Variants in DGKI observed in about 807,000 individuals in gnomAD.
DGKI encodes DAG kinase iota.
Under a neutral mutation model 147.5 loss-of-function variants are expected in DGKI, and 55 were observed. That is an observed-to-expected ratio of 0.37 (90% CI 0.30 to 0.47). DGKI has a LOEUF of 0.47. Among genes scored for constraint, DGKI ranks in the 20% least tolerant of loss-of-function variants. The pLI, the probability that DGKI is intolerant of heterozygous loss-of-function variation, is 1.00. For synonymous variants in DGKI, 469 were observed against 477.1 expected (o/e 0.98, Z 0.22); for missense variants, 1,007 against 1,323.8 (o/e 0.76, Z 3.71).
At chr7:137,592,659 C>T (rs941510964) in intron 12 of DGKI, among the ~76,000 whole-genome samples, 2 of 152,192 alleles carry the variant, frequency 1.3e-5, no homozygotes, top group Admixed American at 1.3e-4. Context: ...GAAGGACACT[C>T]ACGTTTGGAA....
At chr7:137,573,342 TAAA>T (rs1053537824) in intron 17 of DGKI, among the ~76,000 whole-genome samples, 1 of 152,246 alleles carries the variant, frequency 6.6e-6, no homozygotes, top group African/African-American at 2.4e-5. Flanking sequence ...GAAGACTTTT[TAAA>T]AAGTCTATGT....
intron 6 of DGKI, among the ~76,000 whole-genome samples, chr7:137,626,402 T>C (rs1480742549): frequency 6.6e-6 from 1 of 151,380 alleles, no homozygotes; most frequent in African/African-American, 2.4e-5. Flanking sequence ...ATGTGTTTAC[T>C]ACTACAGGGC....
At chr7:137,716,359 A>G (rs1585402537) in intron 1 of DGKI, among the ~76,000 whole-genome samples, 1 of 152,316 alleles carries the variant, frequency 6.6e-6, no homozygotes, top group South Asian at 2.1e-4. Context: ...GAGCTTGCTA[A>G]CTATTCGAGC....
intron 28 of DGKI, among the ~76,000 whole-genome samples, chr7:137,437,999 T>C (rs1813346332): frequency 6.6e-6 from 1 of 152,086 alleles, no homozygotes. Flanking sequence ...CAAGACAATA[T>C]CTTTATGATT....
Position 137,740,460 on chromosome 7 carries a change from C to T in DGKI, c.402-50458G>A, listed in dbSNP as rs886980468. Among the ~76,000 whole-genome samples, 5 of 152,260 alleles carry T rather than the reference C, an allele frequency of 3.3e-5. No individual in the cohort carries two copies. In the East Asian group the frequency reaches 9.7e-4, roughly 29 times the overall value. ...CACTTCAGTCCCCTCCAAAGTATGT[C>T]AGCAATGGCAGGTGTATGGTGTAAA... On this transcript the variant is annotated intron_variant, in intron 1 of 32. Transcript: ENST00000614521.
chr7:137,620,507 A>C (rs1010249265), intron 7 of DGKI, among the ~76,000 whole-genome samples: 1 of 152,184 alleles, frequency 6.6e-6, no homozygotes, highest in Non-Finnish European at 1.5e-5. Flanking sequence ...GAAAAGAAGC[A>C]TGATGTCTCT....
At chr7:137,500,524 T>G (rs1434080566) in intron 21 of DGKI, among the ~76,000 whole-genome samples, 1 of 152,170 alleles carries the variant, frequency 6.6e-6, no homozygotes, top group East Asian at 1.9e-4. Context: ...TACTCTTATA[T>G]TCATAAAAAA....
At chr7:137,754,126 C>A (rs577391417) in intron 1 of DGKI, among the ~76,000 whole-genome samples, 30 of 152,242 alleles carry the variant, frequency 2.0e-4, no homozygotes, top group Admixed American at 7.8e-4. Flanking sequence ...GGGCCAGGGG[C>A]AGGTGCACTG....
chr7:137,668,475 G>A (rs1403999408), intron 3 of DGKI, among the ~76,000 whole-genome samples: 2 of 152,214 alleles, frequency 1.3e-5, no homozygotes, highest in South Asian at 2.1e-4. Flanking sequence ...GGTGACAGGT[G>A]TCTGTGTGTG....
intron 10 of DGKI, among the ~76,000 whole-genome samples, chr7:137,605,898 C>T (rs1003020836): frequency 2.0e-5 from 3 of 152,130 alleles, no homozygotes; most frequent in African/African-American, 7.2e-5. Flanking sequence ...AGTGTTTGCA[C>T]AGTGGGGTGA....
At chr7:137,835,580 T>A (rs1190581345) in intron 1 of DGKI, among the ~76,000 whole-genome samples, 1 of 152,130 alleles carries the variant, frequency 6.6e-6, no homozygotes, top group East Asian at 1.9e-4. Flanking sequence ...CTCTACCTGT[T>A]TTTTTTTCTT....
chr7:137,691,105 C>A (rs1025435105), intron 1 of DGKI, among the ~76,000 whole-genome samples: 4 of 152,096 alleles, frequency 2.6e-5, no homozygotes, highest in African/African-American at 7.2e-5. Context: ...AACTCTGAGT[C>A]CTGAATCAGT....
chr7:137,668,321 C>T (rs1438005159), intron 3 of DGKI, among the ~76,000 whole-genome samples: 1 of 152,240 alleles, frequency 6.6e-6, no homozygotes, highest in Non-Finnish European at 1.5e-5. Flanking sequence ...AAAGGCATGG[C>T]ACTGGCTAAA....
At chr7:137,534,097 C>T (rs185284794) in intron 20 of DGKI, among the ~76,000 whole-genome samples, 5 of 152,180 alleles carry the variant, frequency 3.3e-5, no homozygotes, top group South Asian at 2.1e-4. Context: ...ACAAATGAAA[C>T]GCACCTCACA....
At chr7:137,696,265 T>G (rs774457393) in intron 1 of DGKI, among the ~76,000 whole-genome samples, 3 of 152,100 alleles carry the variant, frequency 2.0e-5, no homozygotes, top group Non-Finnish European at 4.4e-5. Flanking sequence ...GCCAAAGGAA[T>G]CATTCTTCTT....
chr7:137,409,591 G>T (rs1339299138), intron 29 of DGKI, among the ~76,000 whole-genome samples: 2 of 152,206 alleles, frequency 1.3e-5, no homozygotes, highest in Admixed American at 6.5e-5. Context: ...GGAAGAAGTA[G>T]CTAGCAATTT....
rs530567013 is a variant in DGKI, at chr7:137,548,574, G to A, written c.2147+3795C>T. 9.2e-5 allele frequency among the ~76,000 whole-genome samples: 14 copies of A among 151,908 alleles called. No individual in the cohort carries two copies. In the South Asian group the frequency reaches 2.9e-3, roughly 32 times the overall value. ...TCCCCATTCACCTTCTGCCCTGACTGTAAACTTCCTGAAGCCTCACCAGAA... is the reference window on the plus strand; with the variant it reads ...TCCCCATTCACCTTCTGCCCTGACTATAAACTTCCTGAAGCCTCACCAGAA... On this transcript the variant is annotated intron_variant, in intron 20 of 32. Coordinates refer to ENST00000614521, the MANE Select transcript of DGKI (RefSeq NM_001321708.2).
intron 17 of DGKI, among the ~76,000 whole-genome samples, chr7:137,576,526 A>C (rs1027628502): frequency 3.9e-5 from 6 of 152,142 alleles, no homozygotes; most frequent in Non-Finnish European, 8.8e-5. Context: ...TACTATAAGG[A>C]AACATTAATG....
chr7:137,673,382 T>C lies in DGKI; in HGVS notation c.606+5175A>G, dbSNP rs367863187. On this transcript the variant is annotated intron_variant, in intron 3 of 32. Coordinates refer to ENST00000614521, the MANE Select transcript of DGKI (RefSeq NM_001321708.2). ...CAGTGAAGAGAATCATCTGTAGATC[T>C]GGTTGTTTGTTTTTGACATCAGGCT... Among the ~76,000 whole-genome samples, 7 of 152,306 alleles carry C rather than the reference T, an allele frequency of 4.6e-5. 1 individual carries two copies. Among genetic ancestry groups the C allele is most frequent in the African/African-American group, 1.7e-4 (7 of 41,566 alleles).
Sources: gnomAD v4.1 joint callset for allele counts (sites outside exome capture counted in the v4.1 genomes callset) on GRCh38, gnomAD v4.1.1 for gene constraint, MANE v1.5 for transcripts, NCBI Gene and HGNC (gene_info 2026-07-23, HGNC 2026-07-21) for gene names.